The following ITIH2 variants were observed in gnomAD, a reference collection of about 807,000 sequenced individuals.
ITIH2 encodes inter-alpha-trypsin inhibitor heavy chain H2.
Under a neutral mutation model 104.4 loss-of-function variants are expected in ITIH2, and 103 were observed. The observed-to-expected ratio is 0.99, with a 90% CI of 0.84 to 1.16. ITIH2 has a LOEUF of 1.16. Among genes scored for constraint, ITIH2 ranks in the 50% most tolerant of loss-of-function variants. The pLI is 0.00. For synonymous variants in ITIH2, 436 were observed against 435.4 expected (o/e 1.00, Z -0.02); for missense variants, 1,108 against 1,162.4 (o/e 0.95, Z 0.68).
chr10:7,708,243 G>T (rs1834765403), intron 3 of ITIH2, among the ~76,000 whole-genome samples: 1 of 152,236 alleles, frequency 6.6e-6, no homozygotes, highest in African/African-American at 2.4e-5. Context: ...TCTCATAGTT[G>T]TCCATAGACC....
At position 7,744,192 on chromosome 10, in the gene ITIH2, G is replaced by T. The variant is rs764854401; in HGVS notation, c.2320G>T (p.Glu774Ter). 6.2e-7 allele frequency: 1 copy of T among 1,614,028 alleles called. No individual in the cohort carries two copies. Among genetic ancestry groups the T allele is most frequent in the Admixed American group, 1.7e-5 (1 of 60,014 alleles). ...FYFQSEDIKI[E>*]ISTETITLSH... ...TTTCCAAAGTGAAGACATAAAAATA[G>T]AAATCAGCACTGAGACCATCACCCT... The change falls in exon 18 of 21, where the codon GAA becomes TAA. Residue 774 changes from glutamate to a stop codon, truncating the protein, a stop_gained. Coordinates refer to ENST00000358415, the MANE Select transcript of ITIH2 (RefSeq NM_002216.3). LOFTEE classifies it high-confidence loss of function.
intron 3 of ITIH2, among the ~76,000 whole-genome samples, chr10:7,708,188 T>C (rs1834764928): frequency 6.6e-6 from 1 of 152,180 alleles, no homozygotes; most frequent in Non-Finnish European, 1.5e-5. Flanking sequence ...GACCTGGTAT[T>C]GAGATAAGTA....
intron 14 of ITIH2, among the ~76,000 whole-genome samples, chr10:7,733,866 C>T (rs1835026775): frequency 6.6e-6 from 1 of 151,814 alleles, no homozygotes; most frequent in Non-Finnish European, 1.5e-5. Context: ...GAGAAAATCC[C>T]TGATGTCAAT....
intron 5 of ITIH2, among the ~76,000 whole-genome samples, chr10:7,717,058 T>G (rs12264463): frequency 0.24 from 37,082 of 151,474 alleles, 4,930 homozygotes; most frequent in African/African-American, 0.35. Flanking sequence ...GGTTCAAGCA[T>G]TTCTCCTGCC....
chr10:7,711,295 T>C (rs1403495501), intron 4 of ITIH2, among the ~76,000 whole-genome samples: 1 of 152,232 alleles, frequency 6.6e-6, no homozygotes, highest in East Asian at 1.9e-4. Flanking sequence ...CTGCATACTA[T>C]TCCGTCCTTC....
At chr10:7,703,964 A>G (rs1233825693) in intron 1 of ITIH2, among the ~76,000 whole-genome samples, 1 of 152,272 alleles carries the variant, frequency 6.6e-6, no homozygotes, top group African/African-American at 2.4e-5. Flanking sequence ...GTCATTATCA[A>G]AGCACACTGT....
chr10:7,736,615 A>G (rs1835058286), intron 15 of ITIH2, among the ~76,000 whole-genome samples: 2 of 152,200 alleles, frequency 1.3e-5, no homozygotes, highest in African/African-American at 4.8e-5. Flanking sequence ...TAATATTACT[A>G]CTAGTAGCCA....
rs1213498171 is a variant in ITIH2 at position 7,723,233 on chromosome 10, CGTGGA to C, written c.868-206_868-202del. Among the ~76,000 whole-genome samples the C allele has an allele frequency of 4.7e-5, 7 of 148,666 alleles. No individual in the cohort carries two copies. The South Asian group carries it at 1.1e-3, about 23-fold the overall frequency. On this transcript the variant is annotated intron_variant, in intron 8 of 20. Coordinates refer to ENST00000358415, the MANE Select transcript of ITIH2 (RefSeq NM_002216.3). Reference sequence around the variant, plus strand: ...AGTGGAGCGGTGTGGAGTGAAGCAGCGTGGAGTGGAGTGGAGCGGAATGTTCTGCT... The same window carrying C: ...AGTGGAGCGGTGTGGAGTGAAGCAGCGTGGAGTGGAGCGGAATGTTCTGCT...
intron 12 of ITIH2, 26 bp downstream of exon 12, chr10:7,730,159 TATTCTTCACTGGAA>T (rs1300543586): frequency 6.5e-7 from 1 of 1,529,312 alleles, no homozygotes; most frequent in African/African-American, 1.4e-5. Flanking sequence ...GTTCTTTTTT[TATTCTTCACTGGAA>T]ATCATTTAAC....
chr10:7,723,437 C>T lies in ITIH2; in HGVS notation c.868-14C>T. On this transcript the variant is annotated splice_polypyrimidine_tract_variant and intron_variant, in intron 8 of 20. Coordinates refer to ENST00000358415, the MANE Select transcript of ITIH2 (RefSeq NM_002216.3). ...GAATCATGATTTGACTCACAAATAC[C>T]TTCTATTTTTCAGGTGTTTAATGGA... 1 of 1,501,852 alleles carries T rather than the reference C, an allele frequency of 6.7e-7. No individual in the cohort carries two copies. Among genetic ancestry groups the T allele is most frequent in the Admixed American group, 1.7e-5 (1 of 59,846 alleles). 93.0% of individuals were successfully genotyped at this position (1,501,852 alleles called of 1,614,324 possible).
chr10:7,727,622 CAT>C lies in ITIH2; in HGVS notation c.1154-78_1154-77del. Reference sequence around the variant, plus strand: ...AAGTGATGGATAAGTGATCAGCCGACATATGAGTCTGAATCCAGAATGGGATT... The same window carrying C: ...AAGTGATGGATAAGTGATCAGCCGACATGAGTCTGAATCCAGAATGGGATT... On this transcript the variant is annotated intron_variant, in intron 10 of 20. Transcript: ENST00000358415. 3.3e-6 allele frequency: 5 copies of C among 1,496,058 alleles called. No homozygotes were observed. The South Asian group carries it at 6.1e-5, about 18-fold the overall frequency. The allele number at this position is 1,496,058 out of a possible 1,614,324, so 92.7% of individuals were successfully genotyped here.
chr10:7,711,267 T>C (rs1217458805), intron 4 of ITIH2, among the ~76,000 whole-genome samples: 1 of 152,200 alleles, frequency 6.6e-6, no homozygotes, highest in Non-Finnish European at 1.5e-5. Flanking sequence ...AAGGACATGA[T>C]CTTATTCCTT....
chr10:7,748,353 G>GA (rs1405663300), intron 20 of ITIH2, among the ~76,000 whole-genome samples: 1 of 148,870 alleles, frequency 6.7e-6, no homozygotes, highest in Non-Finnish European at 1.5e-5. Flanking sequence ...TGTCCCGTGG[G>GA]CTGGGCACAG....
rs187165121 is a variant in ITIH2 at position 7,731,856 on chromosome 10, T to C, written c.1507T>C (p.Phe503Leu). ...CACTCCATTGCTCCGGAATGTTCAG[T>C]TCAACTATCCCCATACATCAGTCAC... ...VSTPLLRNVQ[F>L]NYPHTSVTDV... Residue 503 changes from phenylalanine (F) to leucine (L), a missense_variant, in exon 13 of 21, where the codon TTC (phenylalanine) becomes CTC (leucine). Physicochemically the swap from Phe to Leu is conservative, Grantham distance 22. Transcript: ENST00000358415. The C allele has an allele frequency of 1.1e-5, 18 of 1,613,812 alleles. No homozygotes were observed. The East Asian group carries it at 4.0e-4, about 36-fold the overall frequency.
chr10:7,749,261 G>C lies in ITIH2; in HGVS notation c.2768G>C (p.Gly923Ala). ...DVTCWFVHNS[G>A]KGFIDGHYKD... The stretch of plus-strand genomic sequence containing the variant: ...ACCTGCTGGTTTGTGCACAACAGTG[G>C]AAAAGGATTCATTGACGGGCATTAC... The change falls in exon 21 of 21, where the codon GGA (glycine) becomes GCA (alanine). Residue 923 changes from glycine to alanine, a missense_variant. By Grantham distance (60) the Gly-to-Ala change is moderately conservative. Coordinates refer to ENST00000358415, the MANE Select transcript of ITIH2 (RefSeq NM_002216.3). 6.2e-7 allele frequency: 1 copy of C among 1,614,146 alleles called. No homozygotes were observed. Among genetic ancestry groups the C allele is most frequent in the African/African-American group, 1.3e-5 (1 of 75,046 alleles).
intron 12 of ITIH2, among the ~76,000 whole-genome samples, chr10:7,731,582 G>A (rs531642176): frequency 3.8e-4 from 58 of 152,106 alleles, no homozygotes; most frequent in Admixed American, 1.2e-3. Flanking sequence ...AAAATTAGCC[G>A]GGCTTGGTGG....
chr10:7,737,723 A>ATATT (rs1835077642), intron 15 of ITIH2, among the ~76,000 whole-genome samples: 2 of 31,578 alleles, frequency 6.3e-5, no homozygotes, highest in Admixed American at 1.1e-3. Context: ...TATTCTATAT[A>ATATT]ATATTCTATA....
chr10:7,714,400 C>T (rs963455433), intron 5 of ITIH2, among the ~76,000 whole-genome samples: 6 of 151,992 alleles, frequency 3.9e-5, no homozygotes, highest in African/African-American at 1.2e-4. Flanking sequence ...TCTCGATCTC[C>T]TGACCTCGTG....
chr10:7,706,951 C>T (rs1834752651), intron 2 of ITIH2, among the ~76,000 whole-genome samples: 1 of 152,156 alleles, frequency 6.6e-6, no homozygotes, highest in Non-Finnish European at 1.5e-5. Context: ...TTAAAAATTA[C>T]TTGTTCTAGC....
Sources: allele counts gnomAD v4.1 joint callset (sites outside exome capture counted in the v4.1 genomes callset), GRCh38; gene constraint gnomAD v4.1.1; transcripts MANE v1.5; gene names NCBI Gene and HGNC (gene_info 2026-07-23, HGNC 2026-07-21).